NRXN3: variants seen among roughly 807,000 people sequenced by gnomAD.
The protein encoded by NRXN3 is neurexin III.
NRXN3 carries 32 observed loss-of-function variants against 137.6 expected under a neutral mutation model. That is an observed-to-expected ratio of 0.23 (90% confidence interval 0.18 to 0.31). The LOEUF (loss-of-function observed/expected upper bound fraction) is 0.31, where lower values mean the gene tolerates loss of function less well. Ranked by LOEUF, NRXN3 falls within the 10% of genes least tolerant of loss-of-function variation. The pLI is 1.00. For synonymous variants in NRXN3, 798 were observed against 784.5 expected (o/e 1.02, Z -0.29); for missense variants, 1,574 against 2,062.5 (o/e 0.76, Z 4.59).
intron 2 of NRXN3, among the ~76,000 whole-genome samples, chr14:78,276,721 C>A (rs1009319635): frequency 6.6e-6 from 1 of 152,170 alleles, no homozygotes; most frequent in Non-Finnish European, 1.5e-5. Flanking sequence ...GGGCAAGTAA[C>A]CAGTATCGAA....
intron 15 of NRXN3, among the ~76,000 whole-genome samples, chr14:79,439,214 G>A (rs1304913863): frequency 6.6e-6 from 1 of 152,110 alleles, no homozygotes; most frequent in Non-Finnish European, 1.5e-5. Flanking sequence ...GTGATGAAAT[G>A]GTTCAATTGA....
rs78911883 is a variant in NRXN3 at position 79,174,631 on chromosome 14, T to A, written c.3262+186490T>A. Among the ~76,000 whole-genome samples, 71 of 149,410 alleles carry A rather than the reference T, an allele frequency of 4.8e-4. No individual in the cohort carries two copies. The East Asian group carries it at 0.012, about 25-fold the overall frequency. ...AATATTGCATCATATTTTGCGGTGGTTTAAAAAAAAAAAAAGAGGAAAGAT... is the reference window on the plus strand; with the variant it reads ...AATATTGCATCATATTTTGCGGTGGATTAAAAAAAAAAAAAGAGGAAAGAT... On this transcript the variant is annotated intron_variant, in intron 15 of 20. Coordinates refer to ENST00000335750, the MANE Select transcript of NRXN3 (RefSeq NM_001330195.2).
intron 19 of NRXN3, among the ~76,000 whole-genome samples, chr14:79,705,049 T>C (rs1475593061): frequency 6.6e-6 from 1 of 152,044 alleles, no homozygotes; most frequent in Non-Finnish European, 1.5e-5. Context: ...GCAGACGAAG[T>C]GTGAAAGCTC....
intron 4 of NRXN3, among the ~76,000 whole-genome samples, chr14:78,399,089 C>T (rs950293454): frequency 1.3e-5 from 2 of 152,116 alleles, no homozygotes; most frequent in Non-Finnish European, 2.9e-5. Flanking sequence ...GGCTTTTTGT[C>T]ACATTACCAA....
At chr14:79,735,268 A>C (rs1462268902) in intron 19 of NRXN3, among the ~76,000 whole-genome samples, 1 of 152,218 alleles carries the variant, frequency 6.6e-6, no homozygotes, top group East Asian at 1.9e-4. Flanking sequence ...CCAATCAGGG[A>C]AAAGTAGTAA....
At chr14:79,733,684 T>C (rs1388033319) in intron 19 of NRXN3, among the ~76,000 whole-genome samples, 1 of 152,032 alleles carries the variant, frequency 6.6e-6, no homozygotes, top group South Asian at 2.1e-4. Context: ...GTTTTTTTTT[T>C]TTTTATAACT....
intron 15 of NRXN3, among the ~76,000 whole-genome samples, chr14:79,455,175 T>C (rs1567173613): frequency 6.6e-6 from 1 of 152,220 alleles, no homozygotes; most frequent in Non-Finnish European, 1.5e-5. Flanking sequence ...TCTAGGTAGA[T>C]TGTATTGGTC....
chr14:78,456,395 G>A (rs1311818176), intron 4 of NRXN3, among the ~76,000 whole-genome samples: 2 of 152,172 alleles, frequency 1.3e-5, no homozygotes, highest in Non-Finnish European at 2.9e-5. Context: ...GTTAAATGGA[G>A]CTATTAATGG....
At position 79,641,497 on chromosome 14, in the gene NRXN3, C is replaced by T. The variant is rs144195941; in HGVS notation, c.3445-22281C>T. The stretch of plus-strand genomic sequence containing the variant: ...AGTGGCTTATCATACCAAATATTTA[C>T]GCCCATGTTTACAGGCCTGCAGGTT... On this transcript the variant is annotated intron_variant, in intron 16 of 20. Coordinates refer to ENST00000335750, the MANE Select transcript of NRXN3 (RefSeq NM_001330195.2). Among the ~76,000 whole-genome samples, 14 of 135,842 alleles carry T rather than the reference C, an allele frequency of 1.0e-4. 1 individual carries two copies. Among genetic ancestry groups the T allele is most frequent in the African/African-American group, 3.2e-4 (13 of 40,930 alleles). The allele number at this position is 135,842 out of a possible 152,430, so 89.1% of individuals were successfully genotyped here. A position where few individuals can be genotyped will look rare whatever the true frequency, so the allele number is the denominator to read the frequency against.
intron 4 of NRXN3, among the ~76,000 whole-genome samples, chr14:78,414,264 G>C (rs545423746): frequency 5.3e-5 from 8 of 152,030 alleles, no homozygotes; most frequent in Non-Finnish European, 1.0e-4. Context: ...TGTGTAAGGT[G>C]TAAGTGTAGT....
At chr14:79,754,663 G>A (rs906643046) in intron 19 of NRXN3, among the ~76,000 whole-genome samples, 4 of 150,670 alleles carry the variant, frequency 2.7e-5, no homozygotes, top group African/African-American at 9.8e-5. Context: ...TTATTCAAAT[G>A]TTTCAACTGG....
intron 15 of NRXN3, among the ~76,000 whole-genome samples, chr14:79,180,259 A>C (rs12586483): frequency 0.26 from 39,854 of 151,910 alleles, 6,000 homozygotes; most frequent in Non-Finnish European, 0.35. Context: ...CAATGAAAGA[A>C]GGCCTATTGC....
intron 16 of NRXN3, among the ~76,000 whole-genome samples, chr14:79,573,600 C>A (rs1485718819): frequency 6.6e-6 from 1 of 151,974 alleles, no homozygotes; most frequent in Non-Finnish European, 1.5e-5. Context: ...GCCTCAAGGG[C>A]TTTAGAAAGA....
chr14:79,279,693 T>G (rs1598240451), intron 15 of NRXN3: 1 of 986,112 alleles, frequency 1.0e-6, no homozygotes, highest in Middle Eastern at 5.2e-4. Flanking sequence ...ACGCCCAGGG[T>G]TAAAAGCCTC....
At chr14:78,794,150 G>A (rs908399324) in intron 8 of NRXN3, among the ~76,000 whole-genome samples, 5 of 152,146 alleles carry the variant, frequency 3.3e-5, no homozygotes, top group African/African-American at 7.2e-5. Context: ...GGAGGCCGAG[G>A]CGGGTAGATC....
intron 1 of NRXN3, among the ~76,000 whole-genome samples, chr14:78,225,065 C>T (rs997598108): frequency 6.6e-5 from 10 of 152,092 alleles, no homozygotes; most frequent in South Asian, 2.1e-4. Context: ...CGCACCCGGC[C>T]GCATGTGTCT....
Position 79,573,280 on chromosome 14 carries a change from AAGGAATGC to A in NRXN3, c.3445-90495_3445-90488del, listed in dbSNP as rs2097628739. On this transcript the variant is annotated intron_variant, in intron 16 of 20. Transcript: ENST00000335750. The stretch of plus-strand genomic sequence containing the variant: ...TACCTAAACCAAATCGAAATGCCTA[AAGGAATGC>A]AGTGGGTGATGTAAAAGAAGGTGTA... 1.3e-5 allele frequency among the ~76,000 whole-genome samples: 2 copies of A among 152,146 alleles called. 1 individual carries two copies. Among genetic ancestry groups the A allele is most frequent in the South Asian group, 4.1e-4 (2 of 4,826 alleles).
At chr14:79,528,998 T>C (rs1029954177) in intron 16 of NRXN3, among the ~76,000 whole-genome samples, 1 of 152,150 alleles carries the variant, frequency 6.6e-6, no homozygotes, top group Admixed American at 6.5e-5. Flanking sequence ...GTATGTTAAG[T>C]GACTAGCACA....
intron 15 of NRXN3, among the ~76,000 whole-genome samples, chr14:79,032,030 G>A (rs951935064): frequency 6.6e-6 from 1 of 152,114 alleles, no homozygotes; most frequent in African/African-American, 2.4e-5. Context: ...TTTGACAGAG[G>A]TGTAGGAACT....
Sources: allele counts gnomAD v4.1 joint callset (sites outside exome capture counted in the v4.1 genomes callset), GRCh38; gene constraint gnomAD v4.1.1; transcripts MANE v1.5; gene names NCBI Gene and HGNC (gene_info 2026-07-23, HGNC 2026-07-21).